CALD1: variants seen among roughly 807,000 people sequenced by gnomAD.
CALD1 encodes the protein caldesmon 1.
In CALD1, 33 loss-of-function variants were observed where a neutral mutation model predicts 99.9. The observed-to-expected ratio is 0.33, with a 90% CI of 0.25 to 0.44. The LOEUF (loss-of-function observed/expected upper bound fraction) is 0.44, where lower values mean the gene tolerates loss of function less well. Ranked by LOEUF, CALD1 falls within the 20% of genes least tolerant of loss-of-function variation. CALD1 has a pLI of 1.00. For synonymous variants in CALD1, 310 were observed against 325.0 expected (o/e 0.95, Z 0.50); for missense variants, 861 against 962.1 (o/e 0.89, Z 1.39).
At chr7:134,866,731 C>T (rs78275706) in intron 2 of CALD1, 32,522 of 151,882 alleles carry the variant, frequency 0.21, 3,778 homozygotes, top group African/African-American at 0.28. Context: ...TTCTGTGATT[C>T]GAGCGCAGCA....
chr7:134,721,371 AG>A, the CALD1 span, among the ~76,000 whole-genome samples: 2 of 149,186 alleles, frequency 1.3e-5, no homozygotes, highest in African/African-American at 4.9e-5. Context: ...ATGACCCTGG[AG>A]TCCTGCCAGC....
chr7:134,713,331 A>G, the CALD1 span, among the ~76,000 whole-genome samples: 1 of 152,232 alleles, frequency 6.6e-6, no homozygotes, highest in Non-Finnish European at 1.5e-5. Flanking sequence ...GAAAATAACC[A>G]TAGTAAATAA....
intron 3 of CALD1, chr7:134,920,777 A>G (rs2132808512): frequency 1.1e-6 from 1 of 870,506 alleles, no homozygotes; most frequent in South Asian, 1.4e-5. Flanking sequence ...TCTGTCAGAT[A>G]GTGAGTTTAT....
chr7:134,920,533 G>A lies in CALD1; in HGVS notation c.72-8221G>A, dbSNP rs117010660. 2,728 of 1,218,528 alleles carry A rather than the reference G, an allele frequency of 2.2e-3. 1 individual carries two copies. The highest frequency in any genetic ancestry group is 2.6e-3 in the Non-Finnish European group (2,511 of 951,638). 75.5% of individuals were successfully genotyped at this position (1,218,528 alleles called of 1,614,324 possible). A position where few individuals can be genotyped will look rare whatever the true frequency, so the allele number is the denominator to read the frequency against. ...CTTCTTTGGGGTGTGGCCTTCATGG[G>A]GAGTGTATTGCTGCAGAAAGCTGGG... On this transcript the variant is annotated intron_variant, in intron 3 of 14. Transcript: ENST00000361675.
intron 3 of CALD1, among the ~76,000 whole-genome samples, chr7:134,884,021 G>A (rs1443936855): frequency 2.0e-5 from 3 of 151,938 alleles, no homozygotes; most frequent in African/African-American, 7.3e-5. Flanking sequence ...AGAATTGCTT[G>A]AACCTAGGAA....
chr7:134,808,910 G>A (rs1447086246), intron 1 of CALD1, among the ~76,000 whole-genome samples: 1 of 152,188 alleles, frequency 6.6e-6, no homozygotes, highest in African/African-American at 2.4e-5. Flanking sequence ...GTATAACATT[G>A]GTGACAATGC....
At chr7:134,820,731 T>C (rs961687453) in intron 1 of CALD1, among the ~76,000 whole-genome samples, 3 of 152,192 alleles carry the variant, frequency 2.0e-5, no homozygotes, top group Non-Finnish European at 4.4e-5. Context: ...GAAAAATCTA[T>C]GTGATACTCT....
At chr7:134,834,131 A>G (rs948116840) in intron 1 of CALD1, among the ~76,000 whole-genome samples, 13 of 152,206 alleles carry the variant, frequency 8.5e-5, no homozygotes, top group African/African-American at 3.1e-4. Flanking sequence ...AGAACTCCAC[A>G]TAGAAAGCTG....
the CALD1 span, among the ~76,000 whole-genome samples, chr7:134,723,949 A>G: frequency 6.6e-6 from 1 of 152,128 alleles, no homozygotes; most frequent in Non-Finnish European, 1.5e-5. Flanking sequence ...GGATCTGAAA[A>G]ATATTTTAAA....
intron 3 of CALD1, among the ~76,000 whole-genome samples, chr7:134,899,595 G>A (rs924314177): frequency 6.6e-6 from 1 of 152,078 alleles, no homozygotes. Flanking sequence ...TGCTGCATTA[G>A]CTCCCTGTGT....
At chr7:134,773,994 C>A (rs1163186621) in intron 1 of CALD1, among the ~76,000 whole-genome samples, 4 of 151,970 alleles carry the variant, frequency 2.6e-5, no homozygotes, top group African/African-American at 9.7e-5. Context: ...CATGGGGAAA[C>A]CCCGTCTCTA....
the CALD1 span, among the ~76,000 whole-genome samples, chr7:134,720,124 T>C: frequency 6.6e-6 from 1 of 152,004 alleles, no homozygotes; most frequent in East Asian, 1.9e-4. Flanking sequence ...TCACCCTTTG[T>C]TCACCAGTAA....
rs2290359 is a variant in CALD1, at chr7:134,870,747, G to T, written c.71+2943G>T. 7.4e-3 allele frequency among the ~76,000 whole-genome samples: 1,059 copies of T among 142,492 alleles called. 12 individuals carry two copies. Among genetic ancestry groups the T allele is most frequent in the African/African-American group, 0.026 (1,004 of 39,094 alleles). The allele number at this position is 142,492 out of a possible 152,430, so 93.5% of individuals were successfully genotyped here. A position where few individuals can be genotyped will look rare whatever the true frequency, so the allele number is the denominator to read the frequency against. ...TCCTTCCTCTCTCTCTCTCTCTCTC[G>T]CTCTTTCTTTCTTCTTAAGAGTAGT... On this transcript the variant is annotated intron_variant, in intron 3 of 14. Transcript: ENST00000361675.
intron 3 of CALD1, among the ~76,000 whole-genome samples, chr7:134,918,495 T>C (rs923697181): frequency 3.9e-5 from 6 of 152,196 alleles, no homozygotes; most frequent in Admixed American, 3.9e-4. Context: ...AAATATGCTG[T>C]TTAGGGATGC....
chr7:134,890,723 A>G (rs978040033), intron 3 of CALD1, among the ~76,000 whole-genome samples: 1 of 152,184 alleles, frequency 6.6e-6, no homozygotes, highest in Non-Finnish European at 1.5e-5. Flanking sequence ...ACCAGGTTCC[A>G]TTGCCCAGCT....
intron 3 of CALD1, among the ~76,000 whole-genome samples, chr7:134,873,130 T>G (rs1801177625): frequency 6.6e-6 from 1 of 151,958 alleles, no homozygotes; most frequent in Non-Finnish European, 1.5e-5. Context: ...GAGGTTGCAG[T>G]GAGCCACGAT....
intron 1 of CALD1, among the ~76,000 whole-genome samples, chr7:134,769,690 T>A (rs1796861510): frequency 6.6e-6 from 1 of 152,080 alleles, no homozygotes; most frequent in African/African-American, 2.4e-5. Context: ...GAGTGCAGAG[T>A]GCAGTGGTGT....
At chr7:134,745,800 C>A (rs535163862) in intron 1 of CALD1, among the ~76,000 whole-genome samples, 17 of 152,310 alleles carry the variant, frequency 1.1e-4, no homozygotes, top group Admixed American at 7.2e-4. Context: ...CCTTTCATCT[C>A]CCAATTGTTC....
rs117236699 is a variant in CALD1, at chr7:134,782,209, C to G, written c.-130+2460C>G. Among the ~76,000 whole-genome samples, 206 of 152,256 alleles carry G rather than the reference C, an allele frequency of 1.4e-3. 2 individuals carry two copies. The highest frequency in any genetic ancestry group is 2.0e-3 in the Admixed American group (30 of 15,288). On this transcript the variant is annotated intron_variant, in intron 1 of 14. Coordinates refer to ENST00000361675, the MANE Select transcript of CALD1 (RefSeq NM_033138.4). ...GCATGAAAAGAGATTTGCTAGTTCC[C>G]CATTTGCCTGTAGTCTATCACATGT... is the stretch of plus-strand genomic sequence containing the variant.
Sources: allele counts gnomAD v4.1 joint callset (sites outside exome capture counted in the v4.1 genomes callset), GRCh38; gene constraint gnomAD v4.1.1; transcripts MANE v1.5; gene names NCBI Gene and HGNC (gene_info 2026-07-23, HGNC 2026-07-21).